STK11: variants seen among roughly 807,000 people sequenced by gnomAD.
The protein encoded by STK11 is serine/threonine-protein kinase STK11.
In STK11, 8 loss-of-function variants were observed where a neutral mutation model predicts 47.3. The ratio of observed to expected loss-of-function variants is 0.17; its 90% confidence interval spans 0.10 to 0.31. STK11 has a LOEUF of 0.31. STK11 is among the 10% of genes least tolerant of loss of function. The pLI is 1.00. For synonymous variants in STK11, 330 were observed against 255.8 expected (o/e 1.29, Z -2.77); for missense variants, 475 against 605.0 (o/e 0.79, Z 2.25).
At chr19:1,213,222 C>G (rs747631640) in intron 1 of STK11, among the ~76,000 whole-genome samples, 2 of 151,118 alleles carry the variant, frequency 1.3e-5, no homozygotes, top group Non-Finnish European at 2.9e-5. Flanking sequence ...TGGTCTCGAT[C>G]TCCTGACCTC....
intron 1 of STK11, among the ~76,000 whole-genome samples, chr19:1,215,763 G>T (rs1419876036): frequency 6.6e-6 from 1 of 152,090 alleles, no homozygotes; most frequent in Non-Finnish European, 1.5e-5. Flanking sequence ...TTGAGATGGA[G>T]TCTTGCTCTG....
intron 7 of STK11, among the ~76,000 whole-genome samples, chr19:1,222,687 C>T (rs960572645): frequency 6.6e-6 from 1 of 152,240 alleles, no homozygotes; most frequent in African/African-American, 2.4e-5. Context: ...CCCCCCAGAC[C>T]CCCTTCTGGC....
rs140414466 is a variant in STK11, at chr19:1,223,573, C to T, written c.1108+401C>T. ...GCTGGCATGAGAGAGGGTCCAGTGGCCCTCCCTCCCGTCGTCCCTGAGGCC... is the reference window on the plus strand; with the variant it reads ...GCTGGCATGAGAGAGGGTCCAGTGGTCCTCCCTCCCGTCGTCCCTGAGGCC... On this transcript the variant is annotated intron_variant, in intron 8 of 9. Transcript: ENST00000326873. The T allele has an allele frequency of 1.9e-5, 21 of 1,083,048 alleles. No homozygotes were observed. In the East Asian group the frequency reaches 1.1e-3, roughly 55 times the overall value. 67.1% of individuals were successfully genotyped at this position (1,083,048 alleles called of 1,614,324 possible). A position where few individuals can be genotyped will look rare whatever the true frequency, so the allele number is the denominator to read the frequency against.
intron 1 of STK11, among the ~76,000 whole-genome samples, chr19:1,210,837 G>C (rs1235543645): frequency 2.7e-5 from 4 of 150,508 alleles, no homozygotes; most frequent in Admixed American, 2.7e-4. Context: ...ACTCCAGCCT[G>C]GGTAACAAGA....
intron 9 of STK11, 177 bp downstream of exon 9, chr19:1,226,840 G>A (rs1336047639): frequency 9.2e-6 from 7 of 758,412 alleles, no homozygotes; most frequent in African/African-American, 3.7e-5. Flanking sequence ...GTGCCGTCTC[G>A]GGGCCTGGTG....
intron 2 of STK11, among the ~76,000 whole-genome samples, chr19:1,219,015 C>T (rs763878657): frequency 3.3e-5 from 5 of 152,298 alleles, no homozygotes; most frequent in East Asian, 1.9e-4. Flanking sequence ...TGCATGGGCC[C>T]GAGCCTGCTT....
At chr19:1,224,071 C>T (rs1364567838) in intron 8 of STK11, 18 of 999,336 alleles carry the variant, frequency 1.8e-5, no homozygotes, top group Non-Finnish European at 2.1e-5. Flanking sequence ...CTGCAGAGAG[C>T]CCCCCATTAG....
chr19:1,227,085 G>A, intron 9 of STK11: 1 of 187,286 alleles, frequency 5.3e-6, no homozygotes, highest in Non-Finnish European at 1.1e-5. Context: ...CCATGGCTCT[G>A]CCGGGGTGCC....
At chr19:1,218,196 G>A (rs2080756746) in intron 1 of STK11, among the ~76,000 whole-genome samples, 1 of 151,866 alleles carries the variant, frequency 6.6e-6, no homozygotes, top group African/African-American at 2.4e-5. Context: ...GCCGGCCGAT[G>A]ACAGACTAGA....
At chr19:1,213,191 G>A (rs1180981584) in intron 1 of STK11, among the ~76,000 whole-genome samples, 1 of 150,032 alleles carries the variant, frequency 6.7e-6, no homozygotes, top group Non-Finnish European at 1.5e-5. Flanking sequence ...TAGAGATGGG[G>A]TTTCACTGTG....
Position 1,207,163 on chromosome 19 carries a change from A to G in STK11, c.250A>G (p.Lys84Glu), listed in dbSNP as rs137853076. The part of the protein sequence containing the change: ...RRAVKILKKK[K>E]LRRIPNGEAN... Reference sequence around the variant, plus strand: ...GGCCGTCAAGATCCTCAAGAAGAAGAAGTTGCGAAGGATCCCCAACGGGGA... The same window carrying G: ...GGCCGTCAAGATCCTCAAGAAGAAGGAGTTGCGAAGGATCCCCAACGGGGA... The change falls in exon 1 of 10, where the codon AAG becomes GAG. Residue 84 changes from lysine (K) to glutamate (E), a missense_variant. This residue lies in a region of STK11 where 47 missense variants were observed against 103.7 expected (regional missense o/e 0.45). Coordinates refer to ENST00000326873, the MANE Select transcript of STK11 (RefSeq NM_000455.5). 6.2e-7 allele frequency: 1 copy of G among 1,611,730 alleles called. No homozygotes were observed.
chr19:1,219,235 G>T lies in STK11; in HGVS notation c.375-89G>T, dbSNP rs1386146897. 3.4e-6 allele frequency: 5 copies of T among 1,451,480 alleles called. No homozygotes were observed. The African/African-American group carries it at 5.6e-5, about 16-fold the overall frequency. 89.9% of individuals were successfully genotyped at this position (1,451,480 alleles called of 1,614,324 possible). ...GAGGAGGGGCAAGGTGGGTGCAGAGGGTCCCTCCAGAGCCCCTTTTCTGGC... is the reference window on the plus strand; with the variant it reads ...GAGGAGGGGCAAGGTGGGTGCAGAGTGTCCCTCCAGAGCCCCTTTTCTGGC... On this transcript the variant is annotated intron_variant, in intron 2 of 9. Coordinates refer to ENST00000326873, the MANE Select transcript of STK11 (RefSeq NM_000455.5).
intron 2 of STK11, among the ~76,000 whole-genome samples, chr19:1,218,929 G>C (rs2080762250): frequency 6.6e-6 from 1 of 152,276 alleles, no homozygotes; most frequent in African/African-American, 2.4e-5. Flanking sequence ...CCTGTGCCCA[G>C]AGCAAGAGCC....
In STK11 at chr19:1,206,986, T is replaced by C. The variant is rs2145404749; in HGVS notation, c.73T>C (p.Phe25Leu). The C allele has an allele frequency of 6.2e-7, 1 of 1,612,754 alleles. No individual in the cohort carries two copies. The highest frequency in any genetic ancestry group is 8.5e-7 in the Non-Finnish European group (1 of 1,179,568). ...GELMSVGMDT[F>L]IHRIDSTEVI... ...GCTGATGTCGGTGGGTATGGACACGTTCATCCACCGCATCGACTCCACCGA... is the reference window on the plus strand; with the variant it reads ...GCTGATGTCGGTGGGTATGGACACGCTCATCCACCGCATCGACTCCACCGA... Residue 25 changes from phenylalanine to leucine, a missense_variant, in exon 1 of 10, where the codon TTC (phenylalanine) becomes CTC (leucine). Coordinates refer to ENST00000326873, the MANE Select transcript of STK11 (RefSeq NM_000455.5).
Position 1,223,955 on chromosome 19 carries a change from G to A in STK11, c.1108+783G>A, listed in dbSNP as rs569161313. The A allele has an allele frequency of 1.5e-5, 15 of 1,010,968 alleles. No individual in the cohort carries two copies. In the East Asian group the frequency reaches 9.8e-4, roughly 66 times the overall value. The allele number at this position is 1,010,968 out of a possible 1,614,324, so 62.6% of individuals were successfully genotyped here. On this transcript the variant is annotated intron_variant, in intron 8 of 9. Transcript: ENST00000326873. Reference sequence around the variant, plus strand: ...TTTACTGTTTCAGCGGGAAGTGGTGGGCAGGGGCCGGCCTGAGAAGGGGGG... The same window carrying A: ...TTTACTGTTTCAGCGGGAAGTGGTGAGCAGGGGCCGGCCTGAGAAGGGGGG...
chr19:1,207,802 C>T (rs1208753149), intron 1 of STK11, among the ~76,000 whole-genome samples: 6 of 152,266 alleles, frequency 3.9e-5, no homozygotes, highest in Admixed American at 2.6e-4. Context: ...GCTGGAAGCC[C>T]TGCCCGAGGG....
intron 1 of STK11, among the ~76,000 whole-genome samples, chr19:1,211,793 C>T (rs890912793): frequency 5.9e-5 from 9 of 152,360 alleles, no homozygotes; most frequent in African/African-American, 1.9e-4. Context: ...GGGAGGTGGG[C>T]GGCACTCAGT....
rs878853987 is a variant in STK11, at chr19:1,218,447, C to G, written c.321C>G (p.His107Gln). Residue 107 changes from histidine (H) to glutamine (Q), a missense_variant, in exon 2 of 10, where the codon CAC (histidine) becomes CAG (glutamine). Physicochemically the swap from His to Gln is conservative, Grantham distance 24. This residue lies in a region of STK11 where 46 missense variants were observed against 45.5 expected (regional missense o/e 1.01). Coordinates refer to ENST00000326873, the MANE Select transcript of STK11 (RefSeq NM_000455.5). ...TTCAACTACTGAGGAGGTTACGGCA[C>G]AAAAATGTCATCCAGCTGGTGGATG... Reference protein sequence around the residue: ...KEIQLLRRLRHKNVIQLVDVL... With the variant: ...KEIQLLRRLRQKNVIQLVDVL... 1 of 1,613,648 alleles carries G rather than the reference C, an allele frequency of 6.2e-7. No homozygotes were observed. Among genetic ancestry groups the G allele is most frequent in the Non-Finnish European group, 8.5e-7 (1 of 1,179,808 alleles).
At chr19:1,221,112 A>C in intron 5 of STK11, 101 bp from the exon 6 acceptor site, 2 of 1,527,082 alleles carry the variant, frequency 1.3e-6, no homozygotes, top group South Asian at 2.4e-5. Context: ...CCTCTGGTCC[A>C]GCAGCCACGG....
Sources: gnomAD v4.1 joint callset for allele counts (sites outside exome capture counted in the v4.1 genomes callset) on GRCh38, gnomAD v4.1.1 for gene constraint, gnomAD v4.1.1 regional missense constraint, MANE v1.5 for transcripts, NCBI Gene and HGNC (gene_info 2026-07-23, HGNC 2026-07-21) for gene names.